The following CCDC88A variants were observed in gnomAD, a reference collection of about 807,000 sequenced individuals.
CCDC88A encodes the protein coiled-coil and HOOK domain protein 88A, also known as girdin.
Under a neutral mutation model 234.3 loss-of-function variants are expected in CCDC88A, and 54 were observed. The observed-to-expected ratio is 0.23, with a 90% CI of 0.19 to 0.29. CCDC88A has a LOEUF of 0.29. CCDC88A is among the 10% of genes least tolerant of loss of function. CCDC88A has a pLI of 1.00. For synonymous variants in CCDC88A, 753 were observed against 737.8 expected, an observed-to-expected ratio of 1.02 and a Z score of -0.33; for missense variants, 1,832 against 2,123.4, an observed-to-expected ratio of 0.86 and a Z score of 2.70.
chr2:55,387,779 C>CAAA (rs66479611), intron 3 of CCDC88A, among the ~76,000 whole-genome samples: 12 of 64,810 alleles, frequency 1.9e-4, no homozygotes, highest in Non-Finnish European at 2.7e-4. Flanking sequence ...GGCTCCATCT[C>CAAA]AAAAAAAAAA....
intron 2 of CCDC88A, among the ~76,000 whole-genome samples, chr2:55,396,247 C>T (rs1244509748): frequency 6.6e-6 from 1 of 152,152 alleles, no homozygotes; most frequent in African/African-American, 2.4e-5. Context: ...ACACCAGTAA[C>T]AAAAATTTTA....
Position 55,419,191 on chromosome 2 carries a change from G to C in CCDC88A, c.-112C>G. 1.4e-6 allele frequency: 1 copy of C among 693,190 alleles called. No homozygotes were observed. Among genetic ancestry groups the C allele is most frequent in the Non-Finnish European group, 2.5e-6 (1 of 397,120 alleles). The allele number at this position is 693,190 out of a possible 1,614,324, so 42.9% of individuals were successfully genotyped here. Reference sequence around the variant, plus strand: ...AATGAAAGTCCATTTCGGCAAGGGAGAAAAATCCCATCGTGGAGGAGGGGG... The same window carrying C: ...AATGAAAGTCCATTTCGGCAAGGGACAAAAATCCCATCGTGGAGGAGGGGG... On this transcript the variant is annotated 5_prime_UTR_variant, in exon 1 of 33. Coordinates refer to ENST00000436346, the MANE Select transcript of CCDC88A (RefSeq NM_001365480.1).
At position 55,388,815 on chromosome 2, in the gene CCDC88A, A is replaced by G; in HGVS notation, c.236T>C (p.Leu79Pro). The G allele has an allele frequency of 6.5e-7, 1 of 1,533,908 alleles. No homozygotes were observed. Among genetic ancestry groups the G allele is most frequent in the Non-Finnish European group, 8.9e-7 (1 of 1,123,356 alleles). ...TTTTATCTGTCTCACCAAAATGGAT[A>G]GATTGTGCATTCTAAGTGAGGCATC... ...NNDASLRMHN[L>P]SILVRQIKFY... Residue 79 changes from leucine to proline, a missense_variant, in exon 3 of 33, where the codon CTA (leucine) becomes CCA (proline). Around this residue, in one of 6 missense-constraint regions of CCDC88A, gnomAD observed 84 missense variants for 80.9 expected, o/e 1.04. Coordinates refer to ENST00000436346, the MANE Select transcript of CCDC88A (RefSeq NM_001365480.1).
At chr2:55,298,362 T>C (rs1680452012) in intron 29 of CCDC88A, among the ~76,000 whole-genome samples, 1 of 152,140 alleles carries the variant, frequency 6.6e-6, no homozygotes, top group Non-Finnish European at 1.5e-5. Context: ...ATAATTTATT[T>C]CTTTTAAGGC....
intron 8 of CCDC88A, among the ~76,000 whole-genome samples, chr2:55,351,415 C>G (rs1669872182): frequency 6.6e-6 from 1 of 151,980 alleles, no homozygotes; most frequent in Non-Finnish European, 1.5e-5. Context: ...TGGTGCAGTC[C>G]CAGCTCACTG....
chr2:55,297,340 T>TTATATATTATATATAAATATAA, intron 29 of CCDC88A, among the ~76,000 whole-genome samples: 1 of 36,844 alleles, frequency 2.7e-5, no homozygotes, highest in East Asian at 8.5e-4. Flanking sequence ...ATATATAAAT[T>TTATATATTATATATAAATATAA]TATATATTAT....
chr2:55,323,139 A>G (rs1325070364), intron 17 of CCDC88A: 1 of 152,386 alleles, frequency 6.6e-6, no homozygotes, highest in Non-Finnish European at 1.5e-5. Flanking sequence ...CAATCACACT[A>G]GAAAATCCTG....
At chr2:55,412,593 G>A (rs2104991240) in intron 2 of CCDC88A, among the ~76,000 whole-genome samples, 1 of 152,306 alleles carries the variant, frequency 6.6e-6, no homozygotes, top group Non-Finnish European at 1.5e-5. Context: ...ATGATCTGAG[G>A]TAGAACAGTT....
chr2:55,320,684 A>T (rs1683511382), intron 18 of CCDC88A: 1 of 152,256 alleles, frequency 6.6e-6, no homozygotes, highest in South Asian at 2.1e-4. Context: ...GATGTGTAAT[A>T]CCTAACTCAT....
chr2:55,359,911 G>T (rs933284152), intron 7 of CCDC88A, among the ~76,000 whole-genome samples: 8 of 151,818 alleles, frequency 5.3e-5, no homozygotes, highest in African/African-American at 1.2e-4. Flanking sequence ...TTAAGGAAAA[G>T]AAATTAGAGA....
chr2:55,408,385 A>T (rs1240907908), intron 2 of CCDC88A, among the ~76,000 whole-genome samples: 1 of 152,104 alleles, frequency 6.6e-6, no homozygotes, highest in Non-Finnish European at 1.5e-5. Context: ...GCTGAGCTTC[A>T]TTCCCGGACA....
At position 55,309,150 on chromosome 2, in the gene CCDC88A, G is replaced by C; in HGVS notation, c.4172+12C>G. On this transcript the variant is annotated intron_variant, in intron 24 of 32. Coordinates refer to ENST00000436346, the MANE Select transcript of CCDC88A (RefSeq NM_001365480.1). The surrounding 1 kb of genome is among the most constrained non-coding windows in gnomAD (Gnocchi z 5.1). ...TTCAGAATAAGAATTCATAAAATTTGGTTAATGGTACCTTCTAGGAGGAGA... is the reference window on the plus strand; with the variant it reads ...TTCAGAATAAGAATTCATAAAATTTCGTTAATGGTACCTTCTAGGAGGAGA... 6.7e-7 allele frequency: 1 copy of C among 1,489,058 alleles called. No individual in the cohort carries two copies. Among genetic ancestry groups the C allele is most frequent in the Non-Finnish European group, 9.3e-7 (1 of 1,077,560 alleles). 92.2% of individuals were successfully genotyped at this position (1,489,058 alleles called of 1,614,324 possible).
chr2:55,331,062 T>C (rs1684855276), intron 16 of CCDC88A, among the ~76,000 whole-genome samples: 1 of 152,262 alleles, frequency 6.6e-6, no homozygotes, highest in African/African-American at 2.4e-5. Flanking sequence ...GGAGGCAAAC[T>C]GTATGAAGGG....
At chr2:55,418,418 T>C (rs1471602225) in intron 2 of CCDC88A, 2 of 178,034 alleles carry the variant, frequency 1.1e-5, no homozygotes, top group Admixed American at 5.6e-5. Context: ...TTTCTAGATA[T>C]AAAGGTTAAT....
intron 3 of CCDC88A, among the ~76,000 whole-genome samples, chr2:55,381,819 C>T (rs1674656218): frequency 6.6e-6 from 1 of 152,176 alleles, no homozygotes; most frequent in Non-Finnish European, 1.5e-5. Context: ...AATCACCACA[C>T]AGAGTAAAAC....
chr2:55,354,710 C>T (rs548222220), intron 8 of CCDC88A, among the ~76,000 whole-genome samples: 20 of 151,070 alleles, frequency 1.3e-4, no homozygotes, highest in African/African-American at 3.6e-4. Context: ...ATTACAGGCG[C>T]ACCCCACCAT....
At chr2:55,393,445 C>T (rs1443535107) in intron 2 of CCDC88A, among the ~76,000 whole-genome samples, 1 of 151,648 alleles carries the variant, frequency 6.6e-6, no homozygotes, top group African/African-American at 2.4e-5. Context: ...CACGTGCCAC[C>T]ACGCCCGGCT....
intron 8 of CCDC88A, among the ~76,000 whole-genome samples, chr2:55,353,824 AC>A (rs1170164711): frequency 6.6e-6 from 1 of 152,216 alleles, no homozygotes; most frequent in Non-Finnish European, 1.5e-5. Context: ...TTAAGAAAAT[AC>A]AATTTCATCA....
intron 2 of CCDC88A, among the ~76,000 whole-genome samples, chr2:55,402,568 A>G (rs1359376423): frequency 2.6e-5 from 4 of 152,196 alleles, no homozygotes; most frequent in Non-Finnish European, 5.9e-5. Context: ...TTACATTAAA[A>G]TCCATTGGTC....
Sources: gnomAD v4.1 joint callset for allele counts (sites outside exome capture counted in the v4.1 genomes callset) on GRCh38, gnomAD v4.1.1 for gene constraint, gnomAD v4.1.1 regional missense constraint, Gnocchi (gnomAD v3.1) non-coding constraint, MANE v1.5 for transcripts, NCBI Gene and HGNC (gene_info 2026-07-23, HGNC 2026-07-21) for gene names.